Variants in DCC observed in about 807,000 individuals in gnomAD.
DCC encodes netrin receptor DCC.
A neutral mutation model predicts 172.5 loss-of-function variants in DCC; 58 were observed. The ratio of observed to expected loss-of-function variants is 0.34; its 90% CI spans 0.27 to 0.42. The LOEUF (loss-of-function observed/expected upper bound fraction) is 0.42, where lower values mean the gene tolerates loss of function less well. Among genes scored for constraint, DCC ranks in the 10% least tolerant of loss-of-function variants. DCC has a pLI of 1.00. For synonymous variants in DCC, 709 were observed against 644.5 expected, an observed-to-expected ratio of 1.10 and a Z score of -1.52; for missense variants, 1,740 against 1,791.0, an observed-to-expected ratio of 0.97 and a Z score of 0.51.
chr18:52,833,681 T>C (rs775811778), intron 2 of DCC, among the ~76,000 whole-genome samples: 155 of 152,172 alleles, frequency 1.0e-3, no homozygotes, highest in Non-Finnish European at 1.0e-3. Flanking sequence ...TGTTGGGATA[T>C]GAGGTGAAAT....
chr18:53,053,975 G>A (rs577818601), intron 5 of DCC, among the ~76,000 whole-genome samples: 1 of 152,184 alleles, frequency 6.6e-6, no homozygotes, highest in African/African-American at 2.4e-5. Context: ...ATTTTATATA[G>A]AAGAAGAGTG....
Position 52,581,561 on chromosome 18 carries a change from C to A in DCC, c.92-170493C>A, listed in dbSNP as rs1390968689. On this transcript the variant is annotated intron_variant, in intron 1 of 28. Coordinates refer to ENST00000442544, the MANE Select transcript of DCC (RefSeq NM_005215.4). ...TAAGTAAGAAAAGAGATAAGAATCT[C>A]TTGTTGGCTTTGATGGCATCCCACC... Among the ~76,000 whole-genome samples, 2 of 152,094 alleles carry A rather than the reference C, an allele frequency of 1.3e-5. 1 individual carries two copies. The highest frequency in any genetic ancestry group is 4.1e-4 in the South Asian group (2 of 4,824).
At chr18:52,867,620 T>A (rs914770382) in intron 2 of DCC, among the ~76,000 whole-genome samples, 2 of 152,176 alleles carry the variant, frequency 1.3e-5, no homozygotes, top group African/African-American at 4.8e-5. Flanking sequence ...GGAGGGCGTA[T>A]ATGTCCAGGA....
chr18:52,382,702 T>G (rs1985636034), intron 1 of DCC, among the ~76,000 whole-genome samples: 1 of 152,126 alleles, frequency 6.6e-6, no homozygotes, highest in African/African-American at 2.4e-5. Context: ...ATATCAGGGT[T>G]CTGCCTTGGG....
chr18:52,390,784 C>T (rs561796534), intron 1 of DCC, among the ~76,000 whole-genome samples: 2 of 152,148 alleles, frequency 1.3e-5, no homozygotes, highest in Non-Finnish European at 2.9e-5. Context: ...ATTAGTTATT[C>T]CTCATATCCA....
chr18:52,816,608 T>G (rs2038302723), intron 2 of DCC: 1 of 152,202 alleles, frequency 6.6e-6, no homozygotes, highest in Admixed American at 6.5e-5. Context: ...ATCACACCAC[T>G]GAGTGTTACC....
At chr18:53,443,943 T>C (rs568724698) in intron 22 of DCC, among the ~76,000 whole-genome samples, 16 of 152,320 alleles carry the variant, frequency 1.1e-4, no homozygotes, top group Admixed American at 3.3e-4. Context: ...TGCTGCAATC[T>C]CATGATAAAA....
At chr18:53,401,516 A>C (rs1909292381) in intron 18 of DCC, among the ~76,000 whole-genome samples, 1 of 152,160 alleles carries the variant, frequency 6.6e-6, no homozygotes, top group Non-Finnish European at 1.5e-5. Context: ...ATTCAGGAAG[A>C]GATACTAGAA....
intron 1 of DCC, among the ~76,000 whole-genome samples, chr18:52,370,341 T>G (rs1017741214): frequency 6.6e-6 from 1 of 152,112 alleles, no homozygotes; most frequent in Non-Finnish European, 1.5e-5. Flanking sequence ...TGTCCATCAA[T>G]AATAGACTGG....
chr18:52,805,480 G>GA (rs2038068677), intron 2 of DCC, among the ~76,000 whole-genome samples: 1 of 152,178 alleles, frequency 6.6e-6, no homozygotes, highest in African/African-American at 2.4e-5. Flanking sequence ...GAGACGAATG[G>GA]AGAAGGTAGG....
intron 2 of DCC, among the ~76,000 whole-genome samples, chr18:52,883,999 C>A (rs2039533468): frequency 6.6e-6 from 1 of 151,650 alleles, no homozygotes; most frequent in African/African-American, 2.4e-5. Flanking sequence ...AAGTTATTTT[C>A]CTTCAGCACT....
intron 7 of DCC, among the ~76,000 whole-genome samples, chr18:53,115,167 T>C (rs1238304228): frequency 6.6e-6 from 1 of 151,660 alleles, no homozygotes; most frequent in Non-Finnish European, 1.5e-5. Flanking sequence ...TTATTGGTGG[T>C]AATTTGTTGT....
chr18:53,229,766 A>G (rs1364006837), intron 12 of DCC, among the ~76,000 whole-genome samples: 3 of 150,404 alleles, frequency 2.0e-5, no homozygotes, highest in African/African-American at 7.3e-5. Flanking sequence ...ACACCACAGG[A>G]AAAAAAAATG....
rs574202409 is a variant in DCC, at chr18:52,841,245, A to T, written c.413-64799A>T. Among the ~76,000 whole-genome samples, 312 of 151,994 alleles carry T rather than the reference A, an allele frequency of 2.1e-3. 1 individual carries two copies. Among genetic ancestry groups the T allele is most frequent in the Non-Finnish European group, 3.4e-3 (232 of 67,966 alleles). ...GGAATCATGGTTTGATTTTCTTCTA[A>T]GTACATGGAGAATCAGAGGTGACAT... On this transcript the variant is annotated intron_variant, in intron 2 of 28. Transcript: ENST00000442544.
At chr18:52,805,544 C>T (rs557905890) in intron 2 of DCC, among the ~76,000 whole-genome samples, 1 of 152,266 alleles carries the variant, frequency 6.6e-6, no homozygotes, top group Non-Finnish European at 1.5e-5. Context: ...ATGTGCTGGA[C>T]AGCCAGGTAA....
At chr18:53,375,617 T>C (rs12962506) in intron 15 of DCC, among the ~76,000 whole-genome samples, 416 of 2,778 alleles carry the variant, frequency 0.15, 7 homozygotes, top group Non-Finnish European at 0.27. Flanking sequence ...TATTTAATTC[T>C]TTTTTTTTTT....
chr18:52,353,920 G>A (rs897308902), intron 1 of DCC, among the ~76,000 whole-genome samples: 3 of 152,166 alleles, frequency 2.0e-5, no homozygotes, highest in Admixed American at 1.3e-4. Flanking sequence ...TCCCTGCCTA[G>A]AGTAAAATTC....
chr18:52,811,704 C>T (rs535993893), intron 2 of DCC, among the ~76,000 whole-genome samples: 2 of 152,192 alleles, frequency 1.3e-5, no homozygotes, highest in East Asian at 3.9e-4. Flanking sequence ...AGAGATCATG[C>T]TTTGTAGCTT....
intron 7 of DCC, 35 bp from the exon 8 acceptor site, chr18:53,157,321 G>A (rs2276147): frequency 0.037 from 59,336 of 1,613,124 alleles, 1,564 homozygotes; most frequent in African/African-American, 0.1. Context: ...CTATGGCAGC[G>A]ACACCTCTGA....
Sources: gnomAD v4.1 joint callset for allele counts (sites outside exome capture counted in the v4.1 genomes callset) on GRCh38, gnomAD v4.1.1 for gene constraint, MANE v1.5 for transcripts, NCBI Gene and HGNC (gene_info 2026-07-23, HGNC 2026-07-21) for gene names.